The following KIF1A variants were observed in gnomAD, a reference collection of about 807,000 sequenced individuals.
The protein encoded by KIF1A is kinesin-like protein KIF1A.
KIF1A carries 46 observed loss-of-function variants against 227.3 expected under a neutral mutation model. The observed-to-expected ratio is 0.20, with a 90% CI of 0.16 to 0.26. The LOEUF (loss-of-function observed/expected upper bound fraction) is 0.26, where lower values mean the gene tolerates loss of function less well. Ranked by LOEUF, KIF1A falls within the 10% of genes least tolerant of loss-of-function variation. The probability of loss-of-function intolerance (pLI) is 1.00; values close to 1 mark genes in which losing one functional copy is unlikely to be tolerated. For synonymous variants in KIF1A, 1,022 were observed against 1,012.8 expected, an observed-to-expected ratio of 1.01 and a Z score of -0.17; for missense variants, 1,683 against 2,485.9, an observed-to-expected ratio of 0.68 and a Z score of 6.87.
At chr2:240,786,712 C>T (rs902770601) in intron 5 of KIF1A, among the ~76,000 whole-genome samples, 199 bp from the exon 6 acceptor site, 3 of 136,902 alleles carry the variant, frequency 2.2e-5, no homozygotes, top group Non-Finnish European at 4.7e-5. Flanking sequence ...GCATCAGGAC[C>T]CCTGAGTGAG....
In KIF1A at chr2:240,763,195, G is replaced by T; in HGVS notation, c.1920C>A (p.Gly640=). ...GCTCCATCTCCTGCTTCATGTCGATGCCCTGCTTCTCCAGCAGCTCACGCT... is the reference window on the plus strand; with the variant it reads ...GCTCCATCTCCTGCTTCATGTCGATTCCCTGCTTCTCCAGCAGCTCACGCT... The part of the protein sequence containing the change: ...FAQRELLEKQ[G]IDMKQEMEQR... The change falls in exon 21 of 49, where the codon GGC becomes GGA. Residue 640 remains glycine, a synonymous_variant. Coordinates refer to ENST00000498729, the MANE Select transcript of KIF1A (RefSeq NM_001244008.2). 6.2e-7 allele frequency: 1 copy of T among 1,612,192 alleles called. No homozygotes were observed.
chr2:240,736,212 G>A lies in KIF1A; in HGVS notation c.4007+851C>T, dbSNP rs574485599. On this transcript the variant is annotated intron_variant, in intron 38 of 48. Coordinates refer to ENST00000498729, the MANE Select transcript of KIF1A (RefSeq NM_001244008.2). This position sits in a 1 kb window ranked among gnomAD's most constrained non-coding sequence, Gnocchi z 4.7. The stretch of plus-strand genomic sequence containing the variant: ...TCCTTGCAGGGAGGCCCTCAAAGAC[G>A]TTTTCCTACAAACACAGCCATGGAG... Among the ~76,000 whole-genome samples, 4 of 152,114 alleles carry A rather than the reference G, an allele frequency of 2.6e-5. No individual in the cohort carries two copies. Among genetic ancestry groups the A allele is most frequent in the South Asian group, 2.1e-4 (1 of 4,828 alleles).
rs2052660778 is a variant in KIF1A, at chr2:240,775,879, C to T, written c.930G>A (p.Val310=). The T allele has an allele frequency of 6.2e-7, 1 of 1,612,642 alleles. No homozygotes were observed. Among genetic ancestry groups the T allele is most frequent in the Non-Finnish European group, 8.5e-7 (1 of 1,178,590 alleles). Residue 310 remains valine, a synonymous_variant, in exon 11 of 49, where the codon GTG becomes GTA. Transcript: ENST00000498729. The surrounding 1 kb of genome is among the most constrained non-coding windows in gnomAD (Gnocchi z 5.5). ...KTDFIPYRDS[V]LTWLLRENLG... ...GGTTTTCCCGGAGGAGCCAGGTCAA[C>T]ACGGAATCTCGGTACGGAATGAAAT...
intron 38 of KIF1A, among the ~76,000 whole-genome samples, chr2:240,727,436 C>A (rs1235075050): frequency 6.6e-6 from 1 of 152,198 alleles, no homozygotes; most frequent in Non-Finnish European, 1.5e-5. Context: ...GGAGGCGCCA[C>A]CATCTCTCCC....
Position 240,737,055 on chromosome 2 carries a change from C to T in KIF1A, c.4007+8G>A, listed in dbSNP as rs374380397. ...CTGGGCCCTGTCTCCAGGGAGTCTC[C>T]GACTCACCGGTCATCTTGGGCTGGG... On this transcript the variant is annotated splice_region_variant and intron_variant, in intron 38 of 48. Transcript: ENST00000498729. The T allele has an allele frequency of 7.8e-5, 125 of 1,604,848 alleles. No individual in the cohort carries two copies. Among genetic ancestry groups the T allele is most frequent in the Admixed American group, 3.0e-4 (18 of 59,946 alleles).
chr2:240,760,021 G>GAA (rs397967291), intron 25 of KIF1A, among the ~76,000 whole-genome samples: 26 of 135,540 alleles, frequency 1.9e-4, no homozygotes, highest in Middle Eastern at 7.8e-3. Context: ...GTCTCTTAAA[G>GAA]AAAAAAAAAA....
intron 33 of KIF1A, 115 bp downstream of exon 33, chr2:240,743,827 G>A (rs558158873): frequency 2.9e-6 from 2 of 683,980 alleles, no homozygotes; most frequent in South Asian, 3.8e-5. Flanking sequence ...GATGGGCAGG[G>A]GAGGTGGGTT....
rs1007488193 is a variant in KIF1A at position 240,725,401 on chromosome 2, C to T, written c.4126G>A (p.Glu1376Lys). The change falls in exon 40 of 49, where the codon GAG (glutamate) becomes AAG (lysine). Residue 1376 changes from glutamate to lysine, a missense_variant. Around this residue, in one of 12 missense-constraint regions of KIF1A, gnomAD observed 759 missense variants for 1,020.2 expected, o/e 0.74. Transcript: ENST00000498729. The surrounding 1 kb of genome is among the most constrained non-coding windows in gnomAD (Gnocchi z 5.8). ...ACAACAGCCGGCTGGGTGCAGTTCT[C>T]CATCTGAGATAGGCGGGAGCAGGAC... ...YMTLSAYIEM[E>K]NCTQPAVVTK... 1 of 1,612,216 alleles carries T rather than the reference C, an allele frequency of 6.2e-7. No individual in the cohort carries two copies. The highest frequency in any genetic ancestry group is 1.1e-5 in the South Asian group (1 of 91,002).
rs562572529 is a variant in KIF1A, at chr2:240,757,811, C to T, written c.2583-217G>A. ...CCAGCAGGAAGGTTCCGGAAGGTTC[C>T]GGAGGACACCTGCAGGTGGGACTGA... On this transcript the variant is annotated intron_variant, in intron 26 of 48. Coordinates refer to ENST00000498729, the MANE Select transcript of KIF1A (RefSeq NM_001244008.2). This position sits in a 1 kb window ranked among gnomAD's most constrained non-coding sequence, Gnocchi z 6.2. 3.3e-5 allele frequency among the ~76,000 whole-genome samples: 5 copies of T among 151,956 alleles called. No homozygotes were observed. The highest frequency in any genetic ancestry group is 7.4e-5 in the Non-Finnish European group (5 of 67,984).
At chr2:240,816,845 G>A (rs558279335) in intron 1 of KIF1A, among the ~76,000 whole-genome samples, 29 of 152,344 alleles carry the variant, frequency 1.9e-4, no homozygotes, top group African/African-American at 7.0e-4. Context: ...AGGAGGCTCA[G>A]TCTCCACCTG....
intron 9 of KIF1A, 93 bp downstream of exon 9, chr2:240,782,951 A>G (rs1156431694): frequency 9.4e-7 from 1 of 1,067,040 alleles, no homozygotes; most frequent in Non-Finnish European, 1.5e-6. Context: ...CACCTCCCAG[A>G]CACAGGGCCC....
Position 240,722,727 on chromosome 2 carries a change from C to T in KIF1A, c.4465-71G>A, listed in dbSNP as rs563040919. ...CCTCCGGAGTTGTGCTCAGCCTCAG[C>T]AGCAGCATGACCCTCTGGGCAGACC... On this transcript the variant is annotated intron_variant, in intron 42 of 48. Coordinates refer to ENST00000498729, the MANE Select transcript of KIF1A (RefSeq NM_001244008.2). 1.2e-4 allele frequency: 154 copies of T among 1,270,050 alleles called. 2 individuals carry two copies. The African/African-American group carries it at 2.2e-3, about 18-fold the overall frequency. The allele number at this position is 1,270,050 out of a possible 1,614,324, so 78.7% of individuals were successfully genotyped here.
intron 6 of KIF1A, among the ~76,000 whole-genome samples, chr2:240,786,031 C>T (rs2054701558): frequency 6.6e-6 from 1 of 152,166 alleles, no homozygotes; most frequent in Non-Finnish European, 1.5e-5. Context: ...ACTAGCAGAG[C>T]AGCTGCCCCA....
At position 240,739,624 on chromosome 2, in the gene KIF1A, G is replaced by A. The variant is rs1333779529; in HGVS notation, c.3901+434C>T. ...GAGAAGCCTGCGAAAATGCAGTGAT[G>A]CGTCTGCAGGCCAGGGTCGCCCAAG... On this transcript the variant is annotated intron_variant, in intron 37 of 48. Coordinates refer to ENST00000498729, the MANE Select transcript of KIF1A (RefSeq NM_001244008.2). This position sits in a 1 kb window ranked among gnomAD's most constrained non-coding sequence, Gnocchi z 5.6. Among the ~76,000 whole-genome samples, 1 of 152,178 alleles carries A rather than the reference G, an allele frequency of 6.6e-6. No individual in the cohort carries two copies. Among genetic ancestry groups the A allele is most frequent in the Non-Finnish European group, 1.5e-5 (1 of 68,036 alleles).
intron 35 of KIF1A, 118 bp downstream of exon 35, chr2:240,741,151 A>ACC: frequency 3.0e-6 from 2 of 670,244 alleles, no homozygotes; most frequent in Non-Finnish European, 5.2e-6. Context: ...TGCAGTGAAC[A>ACC]CCCGCTGGAA....
chr2:240,748,664 C>T (rs1394927784), intron 28 of KIF1A: 2 of 314,608 alleles, frequency 6.4e-6, no homozygotes, highest in South Asian at 2.7e-5. Context: ...AAACACCCCA[C>T]CTTCCAGCAG....
At position 240,773,275 on chromosome 2, in the gene KIF1A, T is replaced by C. The variant is rs1200606832; in HGVS notation, c.1038-19A>G. On this transcript the variant is annotated intron_variant, in intron 12 of 48. Coordinates refer to ENST00000498729, the MANE Select transcript of KIF1A (RefSeq NM_001244008.2). ...AGCATACCTGGGTGGCAGAGGGGGC[T>C]GTGGGCTGTGCTCGGGACAGGTCCA... 1.3e-5 allele frequency: 21 copies of C among 1,613,522 alleles called. No individual in the cohort carries two copies. Among genetic ancestry groups the C allele is most frequent in the Non-Finnish European group, 1.6e-5 (19 of 1,179,750 alleles).
Position 240,721,843 on chromosome 2 carries a change from T to C in KIF1A, c.4707A>G (p.Thr1569=). ...LLTHTFNREY[T]HSHVCVSASE... ...TGGCACTGACGCAGACGTGGCTGTGTGTGTACTCTCTGTTGAATGTGTGCG... is the reference window on the plus strand; with the variant it reads ...TGGCACTGACGCAGACGTGGCTGTGCGTGTACTCTCTGTTGAATGTGTGCG... Residue 1569 remains threonine, a synonymous_variant, in exon 44 of 49, where the codon ACA becomes ACG. Coordinates refer to ENST00000498729, the MANE Select transcript of KIF1A (RefSeq NM_001244008.2). The C allele has an allele frequency of 6.2e-7, 1 of 1,607,628 alleles. No homozygotes were observed. Among genetic ancestry groups the C allele is most frequent in the Non-Finnish European group, 8.5e-7 (1 of 1,179,414 alleles).
intron 2 of KIF1A, among the ~76,000 whole-genome samples, chr2:240,794,298 G>A (rs1367714229): frequency 1.3e-5 from 2 of 152,206 alleles, no homozygotes; most frequent in African/African-American, 4.8e-5. Flanking sequence ...TCTCCAAAAT[G>A]AAAACAGCTT....
Sources: gnomAD v4.1 joint callset for allele counts (sites outside exome capture counted in the v4.1 genomes callset) on GRCh38, gnomAD v4.1.1 for gene constraint, gnomAD v4.1.1 regional missense constraint, Gnocchi (gnomAD v3.1) non-coding constraint, MANE v1.5 for transcripts, NCBI Gene and HGNC (gene_info 2026-07-23, HGNC 2026-07-21) for gene names.